Variants in SCAMP1 observed in about 807,000 individuals in gnomAD.
SCAMP1 encodes secretory carrier membrane protein 1, also known as secretory carrier-associated membrane protein 1.
In SCAMP1, 15 loss-of-function variants were observed where a neutral mutation model predicts 41.8. The observed-to-expected ratio is 0.36, with a 90% CI of 0.24 to 0.55. SCAMP1 has a LOEUF of 0.55. Ranked by LOEUF, SCAMP1 falls within the 20% of genes least tolerant of loss-of-function variation. The pLI is 0.86. For missense variants in SCAMP1, 341 were observed against 412.6 expected (o/e 0.83, Z 1.50); for synonymous variants, 135 against 136.8 (o/e 0.99, Z 0.09).
At chr5:78,404,220 T>C (rs930161922) in intron 2 of SCAMP1, among the ~76,000 whole-genome samples, 4 of 151,998 alleles carry the variant, frequency 2.6e-5, no homozygotes, top group Non-Finnish European at 5.9e-5. Context: ...TCATTCTCTC[T>C]ACAGAACTTA....
In SCAMP1 at chr5:78,438,006, G is replaced by C. The variant is rs536799273; in HGVS notation, c.633-11927G>C. Among the ~76,000 whole-genome samples the C allele has an allele frequency of 1.4e-3, 209 of 152,262 alleles. 1 individual carries two copies. The highest frequency in any genetic ancestry group is 1.9e-3 in the Non-Finnish European group (126 of 68,026). ...GATTTTCCAGTTTATTTGTGTAGAG[G>C]TGTTCATAGTATTCTCTGATGGTAG... On this transcript the variant is annotated intron_variant, in intron 6 of 8. Coordinates refer to ENST00000621999, the MANE Select transcript of SCAMP1 (RefSeq NM_004866.6).
chr5:78,422,004 A>G, intron 6 of SCAMP1, 44 bp downstream of exon 6: 1 of 1,505,496 alleles, frequency 6.6e-7, no homozygotes, highest in Non-Finnish European at 9.1e-7. Flanking sequence ...AAACCTGTGA[A>G]GTAAATAATT....
At chr5:78,423,016 GCA>G (rs57059961) in intron 6 of SCAMP1, among the ~76,000 whole-genome samples, 835 of 33,284 alleles carry the variant, frequency 0.025, 8 homozygotes, top group Middle Eastern at 0.088. Flanking sequence ...ACGCGCGCGC[GCA>G]CACACACACA....
intron 4 of SCAMP1, among the ~76,000 whole-genome samples, chr5:78,417,393 A>G (rs1298376992): frequency 1.3e-5 from 2 of 152,236 alleles, no homozygotes; most frequent in Admixed American, 1.3e-4. Context: ...CATCAGAGGT[A>G]GCATCTATAG....
intron 6 of SCAMP1, among the ~76,000 whole-genome samples, chr5:78,426,140 G>A (rs964886306): frequency 2.0e-4 from 30 of 152,040 alleles, no homozygotes; most frequent in Admixed American, 1.8e-3. Flanking sequence ...CTTTTTTATG[G>A]CTACATAGTA....
intron 2 of SCAMP1, among the ~76,000 whole-genome samples, chr5:78,408,272 A>G (rs967191665): frequency 6.6e-6 from 1 of 152,120 alleles, no homozygotes; most frequent in African/African-American, 2.4e-5. Flanking sequence ...TCCCCTTTAT[A>G]AAACCATCAG....
intron 2 of SCAMP1, among the ~76,000 whole-genome samples, chr5:78,396,864 A>G (rs1751663893): frequency 1.3e-5 from 2 of 152,242 alleles, no homozygotes; most frequent in Admixed American, 6.5e-5. Context: ...AAAATTTATC[A>G]TTGAATTTAA....
intron 1 of SCAMP1, among the ~76,000 whole-genome samples, chr5:78,384,735 T>C (rs1204921769): frequency 1.3e-5 from 2 of 152,212 alleles, no homozygotes; most frequent in Admixed American, 6.5e-5. Flanking sequence ...TTTAATTCTG[T>C]TTATGTGGTG....
intron 1 of SCAMP1, among the ~76,000 whole-genome samples, chr5:78,367,259 C>A (rs1022035299): frequency 2.6e-5 from 4 of 152,176 alleles, no homozygotes; most frequent in Admixed American, 2.6e-4. Flanking sequence ...TTATCTGTTG[C>A]TATGTAACAA....
At chr5:78,398,548 T>C (rs1282686445) in intron 2 of SCAMP1, among the ~76,000 whole-genome samples, 8 of 120,082 alleles carry the variant, frequency 6.7e-5, no homozygotes, top group African/African-American at 2.3e-4. Context: ...ACTATTTTTT[T>C]TTTTTTTTTT....
At chr5:78,461,647 A>T (rs1057432887) in intron 8 of SCAMP1, among the ~76,000 whole-genome samples, 1 of 152,060 alleles carries the variant, frequency 6.6e-6, no homozygotes, top group Non-Finnish European at 1.5e-5. Context: ...CTGCACCCTC[A>T]GCCTCCCCAG....
chr5:78,379,689 T>C (rs1751149610), intron 1 of SCAMP1, among the ~76,000 whole-genome samples: 2 of 152,224 alleles, frequency 1.3e-5, no homozygotes, highest in Non-Finnish European at 2.9e-5. Flanking sequence ...TTATACCTTA[T>C]TTATTTATTG....
chr5:78,449,494 GC>G (rs924527039), intron 6 of SCAMP1, among the ~76,000 whole-genome samples: 1 of 152,294 alleles, frequency 6.6e-6, no homozygotes, highest in South Asian at 2.1e-4. Context: ...CTACCAAGGG[GC>G]TCAAGGAAAC....
chr5:78,412,076 G>A (rs963845656), intron 2 of SCAMP1, among the ~76,000 whole-genome samples: 2 of 151,828 alleles, frequency 1.3e-5, no homozygotes, highest in Admixed American at 6.6e-5. Context: ...TAAAAATGCA[G>A]TTTTTTTCAG....
intron 6 of SCAMP1, among the ~76,000 whole-genome samples, chr5:78,443,999 T>A (rs1333383086): frequency 6.6e-6 from 1 of 152,254 alleles, no homozygotes; most frequent in African/African-American, 2.4e-5. Flanking sequence ...AATTTAGAAT[T>A]TTCGAATCTT....
chr5:78,449,387 A>C (rs2112206948), intron 6 of SCAMP1, among the ~76,000 whole-genome samples: 1 of 152,304 alleles, frequency 6.6e-6, no homozygotes, highest in South Asian at 2.1e-4. Flanking sequence ...AATAAGCCAG[A>C]CAAGGAAAAA....
chr5:78,470,778 C>G (rs1242272682), intron 8 of SCAMP1, among the ~76,000 whole-genome samples: 1 of 152,182 alleles, frequency 6.6e-6, no homozygotes, highest in Non-Finnish European at 1.5e-5. Flanking sequence ...TACATTCCCA[C>G]CAGCACTTTC....
At chr5:78,424,703 G>C (rs1185159461) in intron 6 of SCAMP1, among the ~76,000 whole-genome samples, 3 of 152,134 alleles carry the variant, frequency 2.0e-5, no homozygotes, top group African/African-American at 4.8e-5. Flanking sequence ...CTGGGCGACA[G>C]AGTGAGATCC....
intron 6 of SCAMP1, among the ~76,000 whole-genome samples, chr5:78,439,981 T>C (rs1171255475): frequency 6.6e-6 from 1 of 152,198 alleles, no homozygotes; most frequent in East Asian, 1.9e-4. Flanking sequence ...TACCCTTTCT[T>C]CCACTTGATC....
Sources: allele counts gnomAD v4.1 joint callset (sites outside exome capture counted in the v4.1 genomes callset), GRCh38; gene constraint gnomAD v4.1.1; transcripts MANE v1.5; gene names NCBI Gene and HGNC (gene_info 2026-07-23, HGNC 2026-07-21).